Variants in FOXP1 observed in about 807,000 individuals in gnomAD.
FOXP1 encodes the protein forkhead box P1.
Under a neutral mutation model 98.2 loss-of-function variants are expected in FOXP1, and 15 were observed. The observed-to-expected ratio is 0.15, with a 90% confidence interval of 0.10 to 0.24. FOXP1 has a LOEUF of 0.24. FOXP1 is among the 10% of genes least tolerant of loss of function. The probability of loss-of-function intolerance (pLI) is 1.00; values close to 1 mark genes in which losing one functional copy is unlikely to be tolerated. For missense variants in FOXP1, 633 were observed against 848.5 expected, an observed-to-expected ratio of 0.75 and a Z score of 3.15; for synonymous variants, 371 against 314.5, an observed-to-expected ratio of 1.18 and a Z score of -1.90.
At chr3:71,182,774 A>T (rs950289015) in intron 6 of FOXP1, among the ~76,000 whole-genome samples, 1 of 151,776 alleles carries the variant, frequency 6.6e-6, no homozygotes, top group Non-Finnish European at 1.5e-5. Flanking sequence ...CGAACTCCTG[A>T]GCTCAGGTGA....
intron 6 of FOXP1, among the ~76,000 whole-genome samples, chr3:71,182,674 C>T (rs1424310660): frequency 6.6e-6 from 1 of 151,570 alleles, no homozygotes; most frequent in East Asian, 1.9e-4. Flanking sequence ...GGACTACAGG[C>T]AAGTGCCGCC....
intron 14 of FOXP1, 136 bp downstream of exon 14, chr3:70,987,858 C>A: frequency 1.3e-6 from 1 of 744,136 alleles, no homozygotes; most frequent in South Asian, 1.6e-5. Context: ...CAGAAACAGT[C>A]GCATGAATCT....
At chr3:71,511,454 A>C (rs565477586) in intron 2 of FOXP1, among the ~76,000 whole-genome samples, 21 of 152,120 alleles carry the variant, frequency 1.4e-4, no homozygotes, top group South Asian at 8.3e-4. Flanking sequence ...AAAGCTGCTG[A>C]TAAGCCACTC....
At chr3:71,234,160 A>T (rs202112974) in intron 5 of FOXP1, among the ~76,000 whole-genome samples, 1 of 24,564 alleles carries the variant, frequency 4.1e-5, no homozygotes, top group East Asian at 2.0e-3. Flanking sequence ...TATTATAAGT[A>T]AAAAAAAAAA....
intron 3 of FOXP1, among the ~76,000 whole-genome samples, chr3:71,367,542 T>C (rs575663642): frequency 1.3e-5 from 2 of 152,210 alleles, no homozygotes; most frequent in East Asian, 3.9e-4. Flanking sequence ...CAGGGAGGGA[T>C]ATCGAAGATT....
intron 7 of FOXP1, among the ~76,000 whole-genome samples, chr3:71,102,578 G>A (rs1459604518): frequency 1.3e-5 from 2 of 152,168 alleles, no homozygotes; most frequent in African/African-American, 4.8e-5. Context: ...CTGTCTGCAG[G>A]CTTTGAGTAA....
At chr3:71,086,399 T>G (rs1458574833) in intron 7 of FOXP1, among the ~76,000 whole-genome samples, 1 of 152,234 alleles carries the variant, frequency 6.6e-6, no homozygotes, top group Admixed American at 6.5e-5. Context: ...AAAGGGGATC[T>G]TCTCTCGTTC....
In FOXP1 at chr3:71,463,037, C is replaced by T. The variant is rs143010752; in HGVS notation, c.-168+30389G>A. Among the ~76,000 whole-genome samples, 240 of 152,296 alleles carry T rather than the reference C, an allele frequency of 1.6e-3. 1 individual carries two copies. Among genetic ancestry groups the T allele is most frequent in the African/African-American group, 5.4e-3 (224 of 41,568 alleles). ...CTTAAACCTTGGCAGGAAAGCCTCT[C>T]CTCTCTGTGATTGTCATTCTCAGAC... On this transcript the variant is annotated intron_variant, in intron 3 of 20. Coordinates refer to ENST00000649528, the MANE Select transcript of FOXP1 (RefSeq NM_001349338.3).
At chr3:71,288,038 G>A (rs182886517) in intron 5 of FOXP1, among the ~76,000 whole-genome samples, 33 of 151,910 alleles carry the variant, frequency 2.2e-4, no homozygotes, top group African/African-American at 5.5e-4. Context: ...GCGCCACCAC[G>A]CCCGGCTAAT....
intron 14 of FOXP1, among the ~76,000 whole-genome samples, chr3:70,979,296 A>G (rs1198215931): frequency 2.1e-5 from 3 of 145,242 alleles, no homozygotes; most frequent in Admixed American, 1.4e-4. Flanking sequence ...AAAAAAAAAA[A>G]AAAAAAAAAA....
rs923172356 is a variant in FOXP1 at position 70,959,481 on chromosome 3, G to A, written c.1890-90C>T. 2.8e-5 allele frequency: 39 copies of A among 1,416,932 alleles called. 1 individual carries two copies. The highest frequency in any genetic ancestry group is 5.9e-5 in the South Asian group (5 of 84,608). The allele number at this position is 1,416,932 out of a possible 1,614,324, so 87.8% of individuals were successfully genotyped here. A position where few individuals can be genotyped will look rare whatever the true frequency, so the allele number is the denominator to read the frequency against. On this transcript the variant is annotated intron_variant, in intron 20 of 20. Coordinates refer to ENST00000649528, the MANE Select transcript of FOXP1 (RefSeq NM_001349338.3). The stretch of plus-strand genomic sequence containing the variant: ...AAAAGTTTGGGGCAACAGAAAAGCC[G>A]CACTCTAGAACTAGAACTCTGTCCA...
At chr3:71,269,485 G>T (rs1039881812) in intron 5 of FOXP1, among the ~76,000 whole-genome samples, 1 of 152,122 alleles carries the variant, frequency 6.6e-6, no homozygotes, top group African/African-American at 2.4e-5. Context: ...GAACCCAGTT[G>T]ATTCAGTTTC....
chr3:71,086,952 C>T (rs1191182321), intron 7 of FOXP1, among the ~76,000 whole-genome samples: 1 of 152,140 alleles, frequency 6.6e-6, no homozygotes, highest in Admixed American at 6.5e-5. Context: ...ACCAGGCACC[C>T]TACCCAAACA....
intron 2 of FOXP1, among the ~76,000 whole-genome samples, chr3:71,516,396 T>C (rs767434435): frequency 1.3e-5 from 2 of 152,220 alleles, no homozygotes; most frequent in Non-Finnish European, 2.9e-5. Context: ...CTAAAAGGCA[T>C]AGGGAATTCT....
chr3:71,113,285 C>T lies in FOXP1; in HGVS notation c.181-648G>A, dbSNP rs771643336. 3.3e-5 allele frequency among the ~76,000 whole-genome samples: 5 copies of T among 152,172 alleles called. No homozygotes were observed. The East Asian group carries it at 5.8e-4, about 18-fold the overall frequency. On this transcript the variant is annotated intron_variant, in intron 6 of 20. Transcript: ENST00000649528. ...ATGTATCTGTGAACAAAACTGGTTA[C>T]GTTTATTATAAATGACCCTTTCAAG...
chr3:71,184,768 TGGGGGGG>T (rs200188586), intron 6 of FOXP1, among the ~76,000 whole-genome samples: 1 of 150,778 alleles, frequency 6.6e-6, no homozygotes, highest in Non-Finnish European at 1.5e-5. Context: ...TTTTTTTTTT[TGGGGGGG>T]GCATATTGTA....
chr3:71,199,575 A>T (rs1168282662), intron 5 of FOXP1, among the ~76,000 whole-genome samples: 1 of 151,226 alleles, frequency 6.6e-6, no homozygotes, highest in Non-Finnish European at 1.5e-5. Context: ...AACAGTAGAA[A>T]AAAAGAAAAA....
chr3:71,425,448 C>T (rs1268650198), intron 3 of FOXP1, among the ~76,000 whole-genome samples: 4 of 152,142 alleles, frequency 2.6e-5, no homozygotes, highest in Non-Finnish European at 5.9e-5. Flanking sequence ...TTAATACAGA[C>T]TCTGGTTTCC....
intron 7 of FOXP1, among the ~76,000 whole-genome samples, chr3:71,110,681 C>G (rs1442919761): frequency 2.6e-5 from 4 of 152,168 alleles, no homozygotes; most frequent in Non-Finnish European, 4.4e-5. Flanking sequence ...CGCTGCTGAC[C>G]TCTGAAACAC....
Sources: allele counts gnomAD v4.1 joint callset (sites outside exome capture counted in the v4.1 genomes callset), GRCh38; gene constraint gnomAD v4.1.1; transcripts MANE v1.5; gene names NCBI Gene and HGNC (gene_info 2026-07-23, HGNC 2026-07-21).